Variants in APCDD1 observed in about 807,000 individuals in gnomAD.
APCDD1 encodes the protein protein APCDD1.
In APCDD1, 15 loss-of-function variants were observed where a neutral mutation model predicts 38.1. That is an observed-to-expected ratio of 0.39 (90% confidence interval 0.26 to 0.61). The LOEUF (loss-of-function observed/expected upper bound fraction) is 0.61. Among genes scored for constraint, APCDD1 ranks in the 20% least tolerant of loss-of-function variants. APCDD1 has a pLI of 0.49. For missense variants in APCDD1, 647 were observed against 696.2 expected (o/e 0.93, Z 0.79); for synonymous variants, 261 against 279.7 (o/e 0.93, Z 0.67).
chr18:10,485,677 A>C lies in APCDD1; in HGVS notation c.990A>C (p.Ser330=). The change falls in exon 4 of 5, where the codon TCA becomes TCC. Residue 330 remains serine (S), a synonymous_variant. Transcript: ENST00000355285. The surrounding 1 kb of genome is among the most constrained non-coding windows in gnomAD (Gnocchi z 5.8). The stretch of plus-strand genomic sequence containing the variant: ...GGGAGGGCCACTACTACCACTACTC[A>C]GACCCGGTGTGCAAGCACCCCACCT... ...NTWEGHYYHY[S]DPVCKHPTFS... 1 of 1,614,160 alleles carries C rather than the reference A, an allele frequency of 6.2e-7. No individual in the cohort carries two copies. Among genetic ancestry groups the C allele is most frequent in the Non-Finnish European group, 8.5e-7 (1 of 1,180,032 alleles).
chr18:10,467,184 G>A lies in APCDD1; in HGVS notation c.59-1285G>A, dbSNP rs113778840. 6.6e-6 allele frequency among the ~76,000 whole-genome samples: 1 copy of A among 152,148 alleles called. No homozygotes were observed. The highest frequency in any genetic ancestry group is 2.4e-5 in the African/African-American group (1 of 41,426). On this transcript the variant is annotated intron_variant, in intron 1 of 4. Coordinates refer to ENST00000355285, the MANE Select transcript of APCDD1 (RefSeq NM_153000.5). The surrounding 1 kb of genome is among the most constrained non-coding windows in gnomAD (Gnocchi z 4.8). ...CATCCTGCAGGTCTCAGTTTATCCAGGTAGATTTTCGTCATGTTGCTGTAA... is the reference window on the plus strand; with the variant it reads ...CATCCTGCAGGTCTCAGTTTATCCAAGTAGATTTTCGTCATGTTGCTGTAA...
intron 3 of APCDD1, among the ~76,000 whole-genome samples, chr18:10,481,149 C>A (rs560449031): frequency 6.6e-6 from 1 of 152,064 alleles, no homozygotes; most frequent in Admixed American, 6.5e-5. Flanking sequence ...ACGGTGGTTC[C>A]CCCCAAAAAT....
At chr18:10,455,072 GC>G (rs2030338892) in intron 1 of APCDD1, 33 bp downstream of exon 1, 4 of 1,550,014 alleles carry the variant, frequency 2.6e-6, no homozygotes, top group Admixed American at 1.9e-5. Flanking sequence ...AGCGCTCCCA[GC>G]CGGCGGAGGC....
chr18:10,468,193 T>C lies in APCDD1; in HGVS notation c.59-276T>C, dbSNP rs2030762042. 2.0e-5 allele frequency among the ~76,000 whole-genome samples: 3 copies of C among 152,354 alleles called. No individual in the cohort carries two copies. The South Asian group carries it at 6.2e-4, about 32-fold the overall frequency. ...TTGCTTCATAGATGCATGGATTTGA[T>C]CTCTGGCTTTGCCAGGAACTAGCTA... is the stretch of plus-strand genomic sequence containing the variant. On this transcript the variant is annotated intron_variant, in intron 1 of 4. Coordinates refer to ENST00000355285, the MANE Select transcript of APCDD1 (RefSeq NM_153000.5).
rs565921027 is a variant in APCDD1 at position 10,480,686 on chromosome 18, AC to A, written c.775-4772del. On this transcript the variant is annotated intron_variant, in intron 3 of 4. Transcript: ENST00000355285. ...AGACCAGCCTGGGCAACATGGTGAA[AC>A]CCCGTCTCTACAAAAAATACAAAAA... Among the ~76,000 whole-genome samples the A allele has an allele frequency of 8.2e-4, 121 of 147,946 alleles. 2 individuals are homozygous for A. Among genetic ancestry groups the A allele is most frequent in the South Asian group, 2.8e-3 (13 of 4,578 alleles).
At chr18:10,486,708 C>A (rs937161701) in intron 4 of APCDD1, among the ~76,000 whole-genome samples, 24 of 151,806 alleles carry the variant, frequency 1.6e-4, no homozygotes, top group Non-Finnish European at 3.4e-4. Flanking sequence ...TTTTTTTTTC[C>A]CCCTAAGTTT....
chr18:10,459,198 C>A (rs1344442712), intron 1 of APCDD1, among the ~76,000 whole-genome samples: 2 of 152,164 alleles, frequency 1.3e-5, no homozygotes, highest in Non-Finnish European at 2.9e-5. Flanking sequence ...CTTGAGGATT[C>A]TTGAAGAATA....
chr18:10,484,582 TC>T (rs907022933), intron 3 of APCDD1, among the ~76,000 whole-genome samples: 5 of 151,918 alleles, frequency 3.3e-5, no homozygotes, highest in African/African-American at 1.2e-4. Context: ...CCACTCCTTG[TC>T]CCCCCCTTCC....
chr18:10,483,256 C>T (rs896900025), intron 3 of APCDD1, among the ~76,000 whole-genome samples: 9 of 152,246 alleles, frequency 5.9e-5, no homozygotes, highest in Admixed American at 3.3e-4. Context: ...TCCATTTCTC[C>T]TGTAACTTGC....
rs1480200379 is a variant in APCDD1 at position 10,471,393 on chromosome 18, C to T, written c.243-137C>T. 3 of 1,119,294 alleles carry T rather than the reference C, an allele frequency of 2.7e-6. No individual in the cohort carries two copies. The highest frequency in any genetic ancestry group is 5.1e-5 in the East Asian group (2 of 39,174). 69.3% of individuals were successfully genotyped at this position (1,119,294 alleles called of 1,614,324 possible). On this transcript the variant is annotated intron_variant, in intron 2 of 4. Coordinates refer to ENST00000355285, the MANE Select transcript of APCDD1 (RefSeq NM_153000.5). The surrounding 1 kb of genome is among the most constrained non-coding windows in gnomAD (Gnocchi z 5.5). ...TTGTGAGGAGTCAATGAGTTGGTAT[C>T]TATAAAGGGCTGACAACAGAGTCTG...
At chr18:10,468,707 C>T (rs2030778339) in intron 2 of APCDD1, 55 bp downstream of exon 2, 2 of 1,570,884 alleles carry the variant, frequency 1.3e-6, no homozygotes, top group Non-Finnish European at 1.7e-6. Context: ...CTATGGAAGA[C>T]CCTTCTTATG....
rs1432207176 is a variant in APCDD1 at position 10,485,431 on chromosome 18, G to T, written c.775-31G>T. 6.2e-7 allele frequency: 1 copy of T among 1,611,742 alleles called. No individual in the cohort carries two copies. The highest frequency in any genetic ancestry group is 8.5e-7 in the Non-Finnish European group (1 of 1,179,532). ...GCACTGCTCCCTTGGGAAGATAGAG[G>T]CCTCTGAATGTGTTTGTTTCTTGGC... On this transcript the variant is annotated intron_variant, in intron 3 of 4. Coordinates refer to ENST00000355285, the MANE Select transcript of APCDD1 (RefSeq NM_153000.5). This position sits in a 1 kb window ranked among gnomAD's most constrained non-coding sequence, Gnocchi z 5.8.
intron 1 of APCDD1, among the ~76,000 whole-genome samples, chr18:10,457,654 A>T (rs1272281662): frequency 6.6e-6 from 1 of 152,202 alleles, no homozygotes; most frequent in Non-Finnish European, 1.5e-5. Context: ...TCATTTAGAG[A>T]TTTATTTGTT....
Position 10,487,829 on chromosome 18 carries a change from G to C in APCDD1, c.1336G>C (p.Gly446Arg). 1 of 1,614,012 alleles carries C rather than the reference G, an allele frequency of 6.2e-7. No homozygotes were observed. The highest frequency in any genetic ancestry group is 8.5e-7 in the Non-Finnish European group (1 of 1,180,046). Residue 446 changes from glycine (G) to arginine (R), a missense_variant, in exon 5 of 5, where the codon GGG becomes CGG. Coordinates refer to ENST00000355285, the MANE Select transcript of APCDD1 (RefSeq NM_153000.5). ...LLFNGQRPSD[G>R]SSPDRPEKRA... Reference sequence around the variant, plus strand: ...GTTCAACGGTCAGAGGCCCAGCGACGGGTCCAGCCCAGACAGGCCAGAGAA... The same window carrying C: ...GTTCAACGGTCAGAGGCCCAGCGACCGGTCCAGCCCAGACAGGCCAGAGAA...
At chr18:10,464,865 G>A (rs2030668454) in intron 1 of APCDD1, among the ~76,000 whole-genome samples, 1 of 152,236 alleles carries the variant, frequency 6.6e-6, no homozygotes, top group Non-Finnish European at 1.5e-5. Flanking sequence ...CCTCCTCAGA[G>A]CTCAGAGTGA....
intron 1 of APCDD1, among the ~76,000 whole-genome samples, chr18:10,458,958 TG>T (rs1209661915): frequency 6.6e-6 from 1 of 152,212 alleles, no homozygotes; most frequent in Middle Eastern, 3.2e-3. Context: ...CTCTCCAGTT[TG>T]GGAATAAAAT....
At position 10,469,692 on chromosome 18, in the gene APCDD1, AG is replaced by A. The variant is rs146350027; in HGVS notation, c.242+1043del. Among the ~76,000 whole-genome samples, 1,989 of 152,292 alleles carry A rather than the reference AG, an allele frequency of 0.013. 43 individuals are homozygous for A. The highest frequency in any genetic ancestry group is 0.045 in the African/African-American group (1,860 of 41,560). On this transcript the variant is annotated intron_variant, in intron 2 of 4. Coordinates refer to ENST00000355285, the MANE Select transcript of APCDD1 (RefSeq NM_153000.5). The surrounding 1 kb of genome is among the most constrained non-coding windows in gnomAD (Gnocchi z 5.5). ...TACCAGGGGGCCCCATTTTAAAATC[AG>A]GGCGGAGTTCAGAAAGCCTACCAAA...
In APCDD1 at chr18:10,462,492, CCCTTCCTT is replaced by C. The variant is rs1187919283; in HGVS notation, c.59-5953_59-5946del. On this transcript the variant is annotated intron_variant, in intron 1 of 4. Transcript: ENST00000355285. ...CTCCTTCCTTCCTTCCTGTGACCCT[CCCTTCCTT>C]CCTTCCTTCCTTCCTTCCTTCCTGT... Among the ~76,000 whole-genome samples the C allele has an allele frequency of 3.0e-3, 17 of 5,622 alleles. 2 individuals carry two copies. The highest frequency in any genetic ancestry group is 4.8e-3 in the East Asian group (1 of 210). 3.7% of individuals were successfully genotyped at this position (5,622 alleles called of 152,430 possible).
chr18:10,480,489 G>A (rs2031108347), intron 3 of APCDD1, among the ~76,000 whole-genome samples: 1 of 152,074 alleles, frequency 6.6e-6, no homozygotes, highest in Non-Finnish European at 1.5e-5. Context: ...ACAATACAGA[G>A]GTGTCTCCTT....
Sources: allele counts gnomAD v4.1 joint callset (sites outside exome capture counted in the v4.1 genomes callset), GRCh38; gene constraint gnomAD v4.1.1; non-coding constraint Gnocchi (gnomAD v3.1); transcripts MANE v1.5; gene names NCBI Gene and HGNC (gene_info 2026-07-23, HGNC 2026-07-21).